Variants in ANK2 observed in about 807,000 individuals in gnomAD.
ANK2 encodes the protein ankyrin 2.
In ANK2, 83 loss-of-function variants were observed where a neutral mutation model predicts 360.5. That is an observed-to-expected ratio of 0.23 (90% confidence interval 0.19 to 0.28). The LOEUF (loss-of-function observed/expected upper bound fraction) is 0.28. ANK2 is among the 10% of genes least tolerant of loss of function. The pLI, the probability that ANK2 is intolerant of heterozygous loss-of-function variation, is 1.00. For synonymous variants in ANK2, 1,740 were observed against 1,759.5 expected, an observed-to-expected ratio of 0.99 and a Z score of 0.28; for missense variants, 4,201 against 4,795.7, an observed-to-expected ratio of 0.88 and a Z score of 3.66.
At chr4:112,709,954 A>G in the ANK2 span, among the ~76,000 whole-genome samples, 2 of 152,094 alleles carry the variant, frequency 1.3e-5, no homozygotes, top group Non-Finnish European at 2.9e-5. Context: ...TATTGGTGTC[A>G]TATCATTTAT....
At chr4:113,263,564 T>C (rs2054259289) in intron 13 of ANK2, among the ~76,000 whole-genome samples, 1 of 152,210 alleles carries the variant, frequency 6.6e-6, no homozygotes, top group African/African-American at 2.4e-5. Flanking sequence ...GAGAAAAAAT[T>C]AACTGTGAAC....
chr4:113,172,627 T>C (rs984628422), intron 1 of ANK2, among the ~76,000 whole-genome samples: 1 of 152,212 alleles, frequency 6.6e-6, no homozygotes, highest in African/African-American at 2.4e-5. Context: ...CTGCTTTATG[T>C]ACAAATTGGA....
At chr4:113,206,090 A>T (rs1180085592) in intron 4 of ANK2, among the ~76,000 whole-genome samples, 1 of 152,064 alleles carries the variant, frequency 6.6e-6, no homozygotes, top group Admixed American at 6.5e-5. Context: ...TTTAAAATTT[A>T]ATTTAAATTT....
At chr4:113,014,053 G>T (rs1315858229) in intron 2 of ANK2, among the ~76,000 whole-genome samples, 1 of 152,142 alleles carries the variant, frequency 6.6e-6, no homozygotes, top group Non-Finnish European at 1.5e-5. Flanking sequence ...GAGCACTAGA[G>T]CCCAGAGAGT....
intron 1 of ANK2, among the ~76,000 whole-genome samples, chr4:113,089,857 T>TGA (rs80279355): frequency 6.6e-6 from 1 of 152,134 alleles, no homozygotes; most frequent in South Asian, 2.1e-4. Flanking sequence ...AAAAAGCTGA[T>TGA]AAAAAAATAT....
At chr4:113,068,618 A>T (rs1580641569) in intron 1 of ANK2, among the ~76,000 whole-genome samples, 1 of 152,188 alleles carries the variant, frequency 6.6e-6, no homozygotes, top group Non-Finnish European at 1.5e-5. Context: ...ATTAGAAATG[A>T]CTCACATGAT....
chr4:113,136,113 A>G (rs1435176711), intron 1 of ANK2, among the ~76,000 whole-genome samples: 1 of 152,222 alleles, frequency 6.6e-6, no homozygotes, highest in East Asian at 1.9e-4. Flanking sequence ...TTGCTCATTT[A>G]GTCAGTAATC....
chr4:112,731,501 A>G, the ANK2 span, among the ~76,000 whole-genome samples: 2 of 152,028 alleles, frequency 1.3e-5, no homozygotes, highest in Non-Finnish European at 2.9e-5. Flanking sequence ...AGGTGGGTAG[A>G]TCTAGATCAC....
At position 113,065,394 on chromosome 4, in the gene ANK2, T is replaced by C. The variant is rs1449159136; in HGVS notation, c.84+15582T>C. On this transcript the variant is annotated intron_variant, in intron 1 of 45. Transcript: ENST00000357077. ...GTGCTCTCTTTTGTGTGTGTATGCA[T>C]GCAAGTGACTTTAATGTGTGATTCA... is the stretch of plus-strand genomic sequence containing the variant. 3.3e-5 allele frequency among the ~76,000 whole-genome samples: 5 copies of C among 152,352 alleles called. No homozygotes were observed. The East Asian group carries it at 7.7e-4, about 24-fold the overall frequency.
intron 1 of ANK2, among the ~76,000 whole-genome samples, chr4:113,130,470 G>T (rs1433177484): frequency 6.6e-6 from 1 of 152,132 alleles, no homozygotes; most frequent in Non-Finnish European, 1.5e-5. Flanking sequence ...GATACTGCAA[G>T]TTGAGCAAAC....
At chr4:113,118,476 GAC>G (rs988210802) in intron 1 of ANK2, among the ~76,000 whole-genome samples, 1 of 152,036 alleles carries the variant, frequency 6.6e-6, no homozygotes, top group Non-Finnish European at 1.5e-5. Flanking sequence ...CTTTTGGAAA[GAC>G]ACTTGAGAAC....
At chr4:113,252,259 C>T (rs932586789) in intron 10 of ANK2, among the ~76,000 whole-genome samples, 5 of 152,174 alleles carry the variant, frequency 3.3e-5, no homozygotes, top group African/African-American at 1.2e-4. Flanking sequence ...AATCCGCCCT[C>T]CTGATTCAGT....
chr4:113,299,712 A>G (rs1265508932), intron 22 of ANK2, among the ~76,000 whole-genome samples: 1 of 152,132 alleles, frequency 6.6e-6, no homozygotes, highest in Non-Finnish European at 1.5e-5. Flanking sequence ...TCTCAAAAAA[A>G]AAAAAAAAAA....
Position 113,373,538 on chromosome 4 carries a change from T to C in ANK2, c.11859+89T>C. 2.2e-6 allele frequency: 3 copies of C among 1,385,560 alleles called. No homozygotes were observed. The East Asian group carries it at 6.9e-5, about 32-fold the overall frequency. The allele number at this position is 1,385,560 out of a possible 1,614,324, so 85.8% of individuals were successfully genotyped here. A position where few individuals can be genotyped will look rare whatever the true frequency, so the allele number is the denominator to read the frequency against. On this transcript the variant is annotated intron_variant, in intron 45 of 45. Coordinates refer to ENST00000357077, the MANE Select transcript of ANK2 (RefSeq NM_001148.6). ...ATGAGTGAGATTGTTTATTCATATT[T>C]TCCTCACTTCTCCCTTTCATGTGGC...
rs115411841 is a variant in ANK2, at chr4:113,348,876, G to A, written c.4404+568G>A. Among the ~76,000 whole-genome samples the A allele has an allele frequency of 8.2e-3, 1,241 of 152,062 alleles. 18 individuals are homozygous for A. Among genetic ancestry groups the A allele is most frequent in the African/African-American group, 0.028 (1,175 of 41,476 alleles). On this transcript the variant is annotated intron_variant, in intron 36 of 45. Coordinates refer to ENST00000357077, the MANE Select transcript of ANK2 (RefSeq NM_001148.6). ...CTATTTATACATATCACACACCATC[G>A]GAAGTTTTTCAGGCTCCTCAGTAAT...
At chr4:112,743,485 TTCTC>T in the ANK2 span, among the ~76,000 whole-genome samples, 8 of 150,612 alleles carry the variant, frequency 5.3e-5, no homozygotes, top group Non-Finnish European at 8.9e-5. Context: ...CTTTCTCTCT[TTCTC>T]TCTCCTTCAT....
chr4:113,221,441 C>T (rs1418211773), intron 4 of ANK2, among the ~76,000 whole-genome samples: 3 of 152,064 alleles, frequency 2.0e-5, no homozygotes, highest in African/African-American at 7.2e-5. Context: ...GGGCAGGTCA[C>T]TTGAGGTCAG....
At chr4:112,848,291 C>G (rs1579609776) in intron 1 of ANK2, among the ~76,000 whole-genome samples, 1 of 152,206 alleles carries the variant, frequency 6.6e-6, no homozygotes, top group East Asian at 1.9e-4. Context: ...TCCCAAGTAG[C>G]TGGGATTACA....
the ANK2 span, among the ~76,000 whole-genome samples, chr4:112,736,342 A>G: frequency 1.3e-5 from 2 of 151,772 alleles, no homozygotes; most frequent in African/African-American, 2.4e-5. Flanking sequence ...CTGCGCCTAT[A>G]TAGTCGCAGC....
Sources: gnomAD v4.1 joint callset for allele counts (sites outside exome capture counted in the v4.1 genomes callset) on GRCh38, gnomAD v4.1.1 for gene constraint, MANE v1.5 for transcripts, NCBI Gene and HGNC (gene_info 2026-07-23, HGNC 2026-07-21) for gene names.